The following ABCC8 variants were observed in gnomAD, a reference collection of about 807,000 sequenced individuals.
The protein encoded by ABCC8 is ATP binding cassette subfamily C member 8, also known as ATP-binding cassette sub-family C member 8.
Under a neutral mutation model 188.0 loss-of-function variants are expected in ABCC8, and 137 were observed. The observed-to-expected ratio is 0.73, with a 90% confidence interval of 0.63 to 0.84. The LOEUF is 0.84. Among genes scored for constraint, ABCC8 ranks in the 40% least tolerant of loss-of-function variants. The pLI is 0.00. For synonymous variants in ABCC8, 797 were observed against 846.5 expected, an observed-to-expected ratio of 0.94 and a Z score of 1.01; for missense variants, 1,750 against 2,072.7, an observed-to-expected ratio of 0.84 and a Z score of 3.02.
chr11:17,433,082 C>T (rs1955920600), intron 10 of ABCC8, among the ~76,000 whole-genome samples: 1 of 152,152 alleles, frequency 6.6e-6, no homozygotes, highest in Admixed American at 6.5e-5. Flanking sequence ...CACATCATAC[C>T]TCATGGGCTA....
intron 36 of ABCC8, 166 bp downstream of exon 36, chr11:17,395,006 C>T (rs1033625101): frequency 4.2e-5 from 36 of 850,218 alleles, no homozygotes; most frequent in African/African-American, 4.2e-4. Context: ...TGGGGCAAGA[C>T]ACCTGACCTC....
In ABCC8 at chr11:17,421,894, C is replaced by G. The variant is rs147979395; in HGVS notation, c.2223-4932G>C. Among the ~76,000 whole-genome samples the G allele has an allele frequency of 1.0e-3, 154 of 152,344 alleles. 5 individuals are homozygous for G. Among genetic ancestry groups the G allele is most frequent in the Non-Finnish European group, 8.4e-4 (57 of 68,038 alleles). On this transcript the variant is annotated intron_variant, in intron 16 of 38. Coordinates refer to ENST00000389817, the MANE Select transcript of ABCC8 (RefSeq NM_000352.6). Reference sequence around the variant, plus strand: ...TCTACACCTCCTAATCCCCCAACTTCCTGCCTTGTGCCTCCTGGAACTCCT... The same window carrying G: ...TCTACACCTCCTAATCCCCCAACTTGCTGCCTTGTGCCTCCTGGAACTCCT...
chr11:17,473,856 C>T (rs1830437823), intron 2 of ABCC8, among the ~76,000 whole-genome samples: 1 of 152,232 alleles, frequency 6.6e-6, no homozygotes, highest in Non-Finnish European at 1.5e-5. Context: ...TTCCAAACTG[C>T]TGACCAAATC....
intron 1 of ABCC8, 103 bp downstream of exon 1, chr11:17,476,526 G>A (rs1286272273): frequency 2.8e-6 from 4 of 1,423,200 alleles, no homozygotes; most frequent in East Asian, 2.6e-5. Context: ...GGCGGACGGC[G>A]GTCGCGGGCC....
At chr11:17,442,197 TTGG>T (rs1956343436) in intron 10 of ABCC8, among the ~76,000 whole-genome samples, 1 of 152,224 alleles carries the variant, frequency 6.6e-6, no homozygotes, top group Admixed American at 6.5e-5. Context: ...CCCAAACTAC[TTGG>T]TTAATATAAA....
At chr11:17,453,852 T>C (rs1956900549) in intron 6 of ABCC8, among the ~76,000 whole-genome samples, 1 of 152,150 alleles carries the variant, frequency 6.6e-6, no homozygotes, top group African/African-American at 2.4e-5. Flanking sequence ...CCTCATGGGC[T>C]CCCAGGGCCT....
Position 17,396,917 on chromosome 11 carries a change from T to C in ABCC8, c.4118A>G (p.Lys1373Arg). The C allele has an allele frequency of 6.2e-7, 1 of 1,614,016 alleles. No individual in the cohort carries two copies. Among genetic ancestry groups the C allele is most frequent in the Non-Finnish European group, 8.5e-7 (1 of 1,179,984 alleles). ...ATTGGGTTGGGCCCGTGCTCTGACC[T>C]TCTGTCCAGGGGCGATGAGGGCATT... ...HVNALIAPGQ[K>R]IGICGRTGSG... Residue 1373 changes from lysine (K) to arginine (R), a missense_variant and splice_region_variant, in exon 33 of 39, where the codon AAG (lysine) becomes AGG (arginine). By Grantham distance (26) the Lys-to-Arg change is conservative. Transcript: ENST00000389817.
chr11:17,470,423 T>A, intron 2 of ABCC8: 4 of 353,492 alleles, frequency 1.1e-5, no homozygotes, highest in Non-Finnish European at 1.6e-5. Flanking sequence ...GGGTATATGA[T>A]CTGGAGGCCT....
intron 29 of ABCC8, among the ~76,000 whole-genome samples, chr11:17,398,711 TCCCTTTAC>T (rs1044761786): frequency 2.0e-5 from 3 of 152,144 alleles, no homozygotes; most frequent in Non-Finnish European, 4.4e-5. Context: ...AAGGGGCACC[TCCCTTTAC>T]CCAGTTTCTC....
chr11:17,410,753 T>C, intron 21 of ABCC8, 100 bp from the exon 22 acceptor site: 1 of 1,549,238 alleles, frequency 6.5e-7, no homozygotes, highest in Admixed American at 1.8e-5. Context: ...TCAACTCTGC[T>C]CTAGGGACTG....
chr11:17,451,571 G>T (rs1956817975), intron 7 of ABCC8, among the ~76,000 whole-genome samples: 2 of 152,316 alleles, frequency 1.3e-5, no homozygotes, highest in South Asian at 4.1e-4. Context: ...TGTCCTCTCG[G>T]TCCCTTTTCT....
rs1956087155 is a variant in ABCC8, at chr11:17,436,141, A to T, written c.1631-3897T>A. On this transcript the variant is annotated intron_variant, in intron 10 of 38. Coordinates refer to ENST00000389817, the MANE Select transcript of ABCC8 (RefSeq NM_000352.6). ...GAGCTGAGGGCTAAAGTGGGCTCGG[A>T]GGCAATGACAACCAACATGTCTCAG... is the stretch of plus-strand genomic sequence containing the variant. 5.2e-6 allele frequency: 4 copies of T among 766,330 alleles called. No homozygotes were observed. The Admixed American group carries it at 6.9e-5, about 13-fold the overall frequency. 47.5% of individuals were successfully genotyped at this position (766,330 alleles called of 1,614,324 possible).
At chr11:17,464,012 C>T (rs1046113658) in intron 3 of ABCC8, among the ~76,000 whole-genome samples, 2 of 152,218 alleles carry the variant, frequency 1.3e-5, no homozygotes, top group African/African-American at 4.8e-5. Flanking sequence ...ATTTCTCAGA[C>T]AAAGGAAATG....
chr11:17,409,201 C>T (rs1304985389), intron 22 of ABCC8, among the ~76,000 whole-genome samples: 1 of 152,052 alleles, frequency 6.6e-6, no homozygotes, highest in African/African-American at 2.4e-5. Flanking sequence ...AAGCAATCCA[C>T]CCGCCTTGGC....
chr11:17,397,284 C>A lies in ABCC8; in HGVS notation c.3897G>T (p.Arg1299Ser), dbSNP rs768265317. 1.9e-6 allele frequency: 3 copies of A among 1,613,046 alleles called. No individual in the cohort carries two copies. The African/African-American group carries it at 4.0e-5, about 21-fold the overall frequency. The change falls in exon 32 of 39, where the codon AGG becomes AGT. Residue 1299 changes from arginine (R) to serine (S), a missense_variant. Arg to Ser is a moderately radical substitution (Grantham distance 110). Transcript: ENST00000389817. ...MVSNYLNWMVRNLADMELQLG... is the reference protein window; with the variant it reads ...MVSNYLNWMVSNLADMELQLG... The stretch of plus-strand genomic sequence containing the variant: ...GCTGGAGCTCCATGTCTGCCAGGTT[C>A]CTCACCATCCAGTTGAGGTAGTTGG...
chr11:17,470,134 T>C lies in ABCC8; in HGVS notation c.379A>G (p.Ile127Val), dbSNP rs756163604. 3 of 1,614,090 alleles carry C rather than the reference T, an allele frequency of 1.9e-6. No homozygotes were observed. In the South Asian group the frequency reaches 3.3e-5, roughly 18 times the overall value. ...AGCTTGGGGAAGTTGGAAGTCTCGATGTTGTGATAGTAGACCACGGAGGTG... is the reference window on the plus strand; with the variant it reads ...AGCTTGGGGAAGTTGGAAGTCTCGACGTTGTGATAGTAGACCACGGAGGTG... ...AVTSVVYYHN[I>V]ETSNFPKLLI... Residue 127 changes from isoleucine to valine, a missense_variant, in exon 3 of 39, where the codon ATC becomes GTC. Coordinates refer to ENST00000389817, the MANE Select transcript of ABCC8 (RefSeq NM_000352.6).
chr11:17,425,258 G>A (rs560628331), intron 16 of ABCC8, among the ~76,000 whole-genome samples: 3 of 152,244 alleles, frequency 2.0e-5, no homozygotes, highest in Non-Finnish European at 2.9e-5. Flanking sequence ...GAAACCCAAG[G>A]GGCTCATCTG....
At position 17,450,153 on chromosome 11, in the gene ABCC8, A is replaced by G. The variant is rs190126136; in HGVS notation, c.1177-1482T>C. ...CGTGGTTATTCTCTAACCCATGAAG[A>G]CACAGGCTCTCATCCGTAAGGGTAC... On this transcript the variant is annotated intron_variant, in intron 7 of 38. Coordinates refer to ENST00000389817, the MANE Select transcript of ABCC8 (RefSeq NM_000352.6). Among the ~76,000 whole-genome samples, 157 of 152,342 alleles carry G rather than the reference A, an allele frequency of 1.0e-3. 1 individual carries two copies. The East Asian group carries it at 0.026, about 25-fold the overall frequency.
chr11:17,423,475 T>C (rs1955444275), intron 16 of ABCC8, among the ~76,000 whole-genome samples: 1 of 151,536 alleles, frequency 6.6e-6, no homozygotes, highest in Admixed American at 6.6e-5. Context: ...TACGTCACTG[T>C]GGACGCTGGA....
Sources: allele counts gnomAD v4.1 joint callset (sites outside exome capture counted in the v4.1 genomes callset), GRCh38; gene constraint gnomAD v4.1.1; transcripts MANE v1.5; gene names NCBI Gene and HGNC (gene_info 2026-07-23, HGNC 2026-07-21).